The following CC2D2B variants were observed in gnomAD, a reference collection of about 807,000 sequenced individuals.
CC2D2B encodes protein CC2D2B.
In CC2D2B, 128 loss-of-function variants were observed where a neutral mutation model predicts 161.2. The observed-to-expected ratio is 0.79, with a 90% CI of 0.69 to 0.92. The LOEUF (loss-of-function observed/expected upper bound fraction) is 0.92, where lower values mean the gene tolerates loss of function less well. Among genes scored for constraint, CC2D2B ranks in the 40% least tolerant of loss-of-function variants. CC2D2B has a pLI of 0.00. For missense variants in CC2D2B, 1,173 were observed against 1,375.1 expected (o/e 0.85, Z 2.32); for synonymous variants, 391 against 449.8 (o/e 0.87, Z 1.65).
chr10:96,009,696 T>A, intron 25 of CC2D2B, 129 bp from the exon 26 acceptor site: 3 of 473,464 alleles, frequency 6.3e-6, no homozygotes, highest in Non-Finnish European at 1.1e-5. Context: ...GAAAAACAGA[T>A]CTTTTCTATT....
At chr10:95,945,138 C>G (rs1276301749) in intron 9 of CC2D2B, among the ~76,000 whole-genome samples, 1 of 152,198 alleles carries the variant, frequency 6.6e-6, no homozygotes, top group African/African-American at 2.4e-5. Context: ...TTCCCAGCCT[C>G]CAGAACTGTG....
At chr10:95,944,693 C>T (rs1339750771) in intron 9 of CC2D2B, among the ~76,000 whole-genome samples, 1 of 152,152 alleles carries the variant, frequency 6.6e-6, no homozygotes, top group Non-Finnish European at 1.5e-5. Flanking sequence ...TTCAGGTTAA[C>T]CTTTGTAATA....
At chr10:95,973,372 C>T (rs191418829) in intron 16 of CC2D2B, among the ~76,000 whole-genome samples, 2 of 152,174 alleles carry the variant, frequency 1.3e-5, no homozygotes, top group African/African-American at 4.8e-5. Flanking sequence ...GAACAGCTTG[C>T]TGGCCTCTTT....
At chr10:95,926,873 T>TGTGTGTGTGTGTGC (rs397766895) in intron 5 of CC2D2B, among the ~76,000 whole-genome samples, 7 of 150,160 alleles carry the variant, frequency 4.7e-5, no homozygotes, top group African/African-American at 1.7e-4. Flanking sequence ...TGTGTGTGTG[T>TGTGTGTGTGTGTGC]GCGCGCGCCT....
chr10:95,921,802 T>TG (rs1177536160), intron 2 of CC2D2B, among the ~76,000 whole-genome samples: 1 of 25,892 alleles, frequency 3.9e-5, no homozygotes, highest in African/African-American at 1.6e-4. Flanking sequence ...TGTCAGAGGG[T>TG]GGGGGGCTGG....
intron 29 of CC2D2B, among the ~76,000 whole-genome samples, 178 bp from the exon 30 acceptor site, chr10:96,016,023 C>G (rs924687820): frequency 6.6e-6 from 1 of 152,196 alleles, no homozygotes; most frequent in South Asian, 2.1e-4. Flanking sequence ...TGTTCTCTTC[C>G]TCTAATGCCC....
At chr10:96,029,256 A>ATATATATATATATATG (rs2079927312) in intron 34 of CC2D2B, among the ~76,000 whole-genome samples, 1 of 31,516 alleles carries the variant, frequency 3.2e-5, no homozygotes, top group African/African-American at 3.8e-4. Flanking sequence ...ATATATATAT[A>ATATATATATATATATG]TATATATATA....
intron 31 of CC2D2B, 145 bp downstream of exon 31, chr10:96,019,482 G>C: frequency 3.5e-6 from 3 of 860,258 alleles, no homozygotes; most frequent in Non-Finnish European, 5.4e-6. Flanking sequence ...TATCACTAAA[G>C]CTCCTCCAGG....
At chr10:95,932,799 G>T (rs1322469569) in intron 6 of CC2D2B, among the ~76,000 whole-genome samples, 3 of 152,052 alleles carry the variant, frequency 2.0e-5, no homozygotes, top group African/African-American at 7.2e-5. Context: ...CTTTCTCTCT[G>T]GCTGCCCTTA....
At chr10:95,911,037 A>T (rs1255932277) in intron 1 of CC2D2B, among the ~76,000 whole-genome samples, 1 of 152,126 alleles carries the variant, frequency 6.6e-6, no homozygotes, top group African/African-American at 2.4e-5. Context: ...AAAACCTATC[A>T]TCTACAAACA....
chr10:95,954,008 G>C (rs893328938), intron 10 of CC2D2B, among the ~76,000 whole-genome samples: 1 of 152,132 alleles, frequency 6.6e-6, no homozygotes, highest in East Asian at 1.9e-4. Flanking sequence ...GAATGAAATG[G>C]CTGCAAATAG....
intron 22 of CC2D2B, 36 bp from the exon 23 acceptor site, chr10:95,995,233 A>G (rs2078186223): frequency 8.2e-7 from 1 of 1,220,124 alleles, no homozygotes; most frequent in Non-Finnish European, 1.1e-6. Context: ...ATTAAAACTA[A>G]TTAAGGTGTA....
At chr10:96,005,494 C>G (rs376443701) in intron 25 of CC2D2B, among the ~76,000 whole-genome samples, 1 of 152,072 alleles carries the variant, frequency 6.6e-6, no homozygotes, top group Non-Finnish European at 1.5e-5. Flanking sequence ...GGCTGAGCCC[C>G]GAGATAGCCA....
chr10:95,929,847 C>A (rs190043012), intron 6 of CC2D2B, among the ~76,000 whole-genome samples: 82 of 152,254 alleles, frequency 5.4e-4, no homozygotes, highest in African/African-American at 1.9e-3. Flanking sequence ...CAGCTTTGTT[C>A]TTTTTGCTTA....
intron 9 of CC2D2B, 62 bp downstream of exon 9, chr10:95,938,987 G>A: frequency 1.6e-6 from 1 of 617,716 alleles, no homozygotes; most frequent in Non-Finnish European, 2.9e-6. Context: ...ATTATCGCTG[G>A]TGGTTTTGTG....
At chr10:95,977,175 G>A (rs1159391146) in intron 17 of CC2D2B, among the ~76,000 whole-genome samples, 1 of 152,194 alleles carries the variant, frequency 6.6e-6, no homozygotes, top group African/African-American at 2.4e-5. Context: ...TTTGAGACCA[G>A]CCTGGCCAAC....
At chr10:95,950,992 T>C (rs965856525) in intron 10 of CC2D2B, among the ~76,000 whole-genome samples, 1 of 152,108 alleles carries the variant, frequency 6.6e-6, no homozygotes, top group Admixed American at 6.5e-5. Context: ...CTAATTTTTG[T>C]ATTTTCAGTA....
intron 34 of CC2D2B, among the ~76,000 whole-genome samples, chr10:96,029,580 G>T (rs1265111454): frequency 2.0e-5 from 3 of 151,130 alleles, no homozygotes; most frequent in Non-Finnish European, 4.4e-5. Flanking sequence ...GAGGACTCCA[G>T]GCAAGCTTCA....
intron 33 of CC2D2B, among the ~76,000 whole-genome samples, chr10:96,025,172 T>TAAAAAAAAAAAAAAAAAAA (rs1564683838): frequency 5.7e-5 from 1 of 17,626 alleles, no homozygotes; most frequent in African/African-American, 2.1e-4. Context: ...TATATATATA[T>TAAAAAAAAAAAAAAAAAAA]ATATATATAT....
Sources: gnomAD v4.1 joint callset for allele counts (sites outside exome capture counted in the v4.1 genomes callset) on GRCh38, gnomAD v4.1.1 for gene constraint, MANE v1.5 for transcripts, NCBI Gene and HGNC (gene_info 2026-07-23, HGNC 2026-07-21) for gene names.